Variants in SCRG1 observed in about 807,000 individuals in gnomAD.
The protein encoded by SCRG1 is scrapie-responsive protein 1.
Under a neutral mutation model 7.7 loss-of-function variants are expected in SCRG1, and 3 were observed. The observed-to-expected ratio is 0.39, with a 90% CI of 0.18 to 1.01. The LOEUF is 1.01. Ranked by LOEUF, SCRG1 falls within the 50% of genes least tolerant of loss-of-function variation. SCRG1 has a pLI of 0.36. For synonymous variants in SCRG1, 46 were observed against 41.2 expected, an observed-to-expected ratio of 1.12 and a Z score of -0.44; for missense variants, 110 against 117.2, an observed-to-expected ratio of 0.94 and a Z score of 0.28.
chr4:173,432,412 C>T, the SCRG1 span, among the ~76,000 whole-genome samples: 2 of 147,310 alleles, frequency 1.4e-5, no homozygotes, highest in Admixed American at 6.7e-5. Context: ...TCCTTCTCCT[C>T]CCTCTCCTCC....
At chr4:173,474,819 C>T in the SCRG1 span, among the ~76,000 whole-genome samples, 2 of 152,096 alleles carry the variant, frequency 1.3e-5, no homozygotes, top group Non-Finnish European at 2.9e-5. Flanking sequence ...TTTAGAAAAT[C>T]TCAATTTGTC....
chr4:173,449,063 A>C, the SCRG1 span, among the ~76,000 whole-genome samples: 1 of 152,234 alleles, frequency 6.6e-6, no homozygotes, highest in Non-Finnish European at 1.5e-5. Context: ...ACAGAGTGAG[A>C]GGTCTCCAGT....
chr4:173,448,866 C>A, the SCRG1 span, among the ~76,000 whole-genome samples: 28 of 152,304 alleles, frequency 1.8e-4, no homozygotes, highest in African/African-American at 6.3e-4. Flanking sequence ...TACATGCATA[C>A]AATAGCCTCC....
upstream of SCRG1, among the ~76,000 whole-genome samples, chr4:173,400,628 A>G (rs956565046): frequency 6.6e-6 from 1 of 152,208 alleles, no homozygotes; most frequent in African/African-American, 2.4e-5. Context: ...TGTACCACTA[A>G]GAAGTTACTG....
the SCRG1 span, among the ~76,000 whole-genome samples, chr4:173,443,988 T>TGTGTGTGTG: frequency 6.8e-5 from 9 of 131,576 alleles, no homozygotes; most frequent in South Asian, 4.8e-4. Context: ...TGTGTGTGTG[T>TGTGTGTGTG]TTGAGATGGA....
At chr4:173,403,625 T>C (rs1256165667), upstream of SCRG1, among the ~76,000 whole-genome samples, 1 of 152,030 alleles carries the variant, frequency 6.6e-6, no homozygotes, top group Non-Finnish European at 1.5e-5. Context: ...AAGAAAACTA[T>C]CCACTTTTAG....
chr4:173,473,729 C>T, the SCRG1 span, among the ~76,000 whole-genome samples: 12 of 152,052 alleles, frequency 7.9e-5, no homozygotes, highest in Non-Finnish European at 1.6e-4. Context: ...GCAATAAGGC[C>T]GTGGGGGGTT....
chr4:173,424,897 T>TTAAAA, the SCRG1 span, among the ~76,000 whole-genome samples: 2,387 of 130,872 alleles, frequency 0.018, 66 homozygotes, highest in African/African-American at 0.05. Context: ...AGACTCCATC[T>TTAAAA]TAAAATAAAA....
chr4:173,483,915 T>C, the SCRG1 span, among the ~76,000 whole-genome samples: 1 of 105,426 alleles, frequency 9.5e-6, no homozygotes, highest in African/African-American at 4.0e-5. Context: ...TCATATAATA[T>C]ATGTTATATA....
chr4:173,406,295 G>T (rs1739904199), exon 1 of SCRG1: 1 of 152,186 alleles, frequency 6.6e-6, no homozygotes, highest in African/African-American at 2.4e-5. Flanking sequence ...GGAGTACAGT[G>T]TTTATATACG....
In SCRG1 at chr4:173,394,242, C is replaced by A. The variant is rs545504290; in HGVS notation, c.-14-2814G>T. On this transcript the variant is annotated intron_variant, in intron 1 of 2. Transcript: ENST00000296506. The stretch of plus-strand genomic sequence containing the variant: ...TTTGTGTTTTGTTGGTTGTGTTTTT[C>A]TTTTTCTTCTTCTTCTTCTTTTTTT... Among the ~76,000 whole-genome samples, 23 of 151,860 alleles carry A rather than the reference C, an allele frequency of 1.5e-4. No homozygotes were observed. In the East Asian group the frequency reaches 3.5e-3, roughly 23 times the overall value.
chr4:173,419,734 G>A, the SCRG1 span: 5 of 1,154,756 alleles, frequency 4.3e-6, no homozygotes, highest in Non-Finnish European at 6.4e-6. Context: ...CAAGGTCTGC[G>A]ACCAAATAGC....
the SCRG1 span, among the ~76,000 whole-genome samples, chr4:173,480,874 A>G: frequency 6.6e-6 from 1 of 152,276 alleles, no homozygotes; most frequent in Admixed American, 6.5e-5. Context: ...ACAATTATTA[A>G]TTAAATGTAT....
the SCRG1 span, among the ~76,000 whole-genome samples, chr4:173,486,143 CTCT>C: frequency 1.3e-5 from 2 of 152,158 alleles, no homozygotes; most frequent in African/African-American, 4.8e-5. Flanking sequence ...CAGAGAATTT[CTCT>C]TCTTTCCTCT....
At chr4:173,482,854 T>C in the SCRG1 span, among the ~76,000 whole-genome samples, 2 of 144,104 alleles carry the variant, frequency 1.4e-5, no homozygotes, top group African/African-American at 5.1e-5. Context: ...ACACACTATA[T>C]TATATATTTC....
At chr4:173,477,789 G>A in the SCRG1 span, among the ~76,000 whole-genome samples, 171 of 140,238 alleles carry the variant, frequency 1.2e-3, 1 homozygote, top group Non-Finnish European at 1.9e-3. Context: ...CTTCCTTCGA[G>A]ACAGGATCTC....
At chr4:173,437,454 T>A in the SCRG1 span, among the ~76,000 whole-genome samples, 1 of 152,202 alleles carries the variant, frequency 6.6e-6, no homozygotes, top group African/African-American at 2.4e-5. Flanking sequence ...TGTCATCAAA[T>A]AAGGGAAGAA....
At chr4:173,448,528 G>C in the SCRG1 span, among the ~76,000 whole-genome samples, 2 of 152,334 alleles carry the variant, frequency 1.3e-5, no homozygotes, top group Admixed American at 1.3e-4. Flanking sequence ...ACCCTTCTGT[G>C]AACAAGGTTT....
At position 173,388,270 on chromosome 4, in the gene SCRG1, A is replaced by G. The variant is rs1739299179; in HGVS notation, c.*71T>C. The stretch of plus-strand genomic sequence containing the variant: ...CTATTGCACTATATAGAAACTAGAA[A>G]TGCAGTTATACTGATGTAGTGCAGT... On this transcript the variant is annotated 3_prime_UTR_variant, in exon 3 of 3. Coordinates refer to ENST00000296506, the MANE Select transcript of SCRG1 (RefSeq NM_007281.4). 7 of 1,025,734 alleles carry G rather than the reference A, an allele frequency of 6.8e-6. No individual in the cohort carries two copies. The highest frequency in any genetic ancestry group is 1.0e-5 in the Non-Finnish European group (7 of 670,266). 63.5% of individuals were successfully genotyped at this position (1,025,734 alleles called of 1,614,324 possible).
Sources: allele counts gnomAD v4.1 joint callset (sites outside exome capture counted in the v4.1 genomes callset), GRCh38; gene constraint gnomAD v4.1.1; transcripts MANE v1.5; gene names NCBI Gene and HGNC (gene_info 2026-07-23, HGNC 2026-07-21).